Variants in SRGAP2 observed in about 807,000 individuals in gnomAD.
SRGAP2 encodes SLIT-ROBO Rho GTPase-activating protein 2.
SRGAP2 carries 15 observed loss-of-function variants against 57.2 expected under a neutral mutation model. The observed-to-expected ratio is 0.26, with a 90% CI of 0.18 to 0.40. The LOEUF (loss-of-function observed/expected upper bound fraction) is 0.40. SRGAP2 is among the 10% of genes least tolerant of loss of function. The pLI is 1.00. For missense variants in SRGAP2, 520 were observed against 669.6 expected (o/e 0.78, Z 2.47); for synonymous variants, 249 against 248.0 (o/e 1.00, Z -0.04).
intron 2 of SRGAP2, among the ~76,000 whole-genome samples, chr1:206,248,326 C>T (rs1668625544): frequency 6.6e-6 from 1 of 152,200 alleles, no homozygotes; most frequent in African/African-American, 2.4e-5. Context: ...TTGGTAACTT[C>T]ATCCGGCCTC....
intron 2 of SRGAP2, among the ~76,000 whole-genome samples, chr1:206,239,736 G>A (rs1300751559): frequency 6.6e-6 from 1 of 151,574 alleles, no homozygotes; most frequent in African/African-American, 2.4e-5. Flanking sequence ...GGGAATTACA[G>A]GCATAAGCCA....
chr1:206,248,217 G>A (rs1443876183), intron 2 of SRGAP2, among the ~76,000 whole-genome samples: 14 of 151,844 alleles, frequency 9.2e-5, no homozygotes, highest in Admixed American at 7.9e-4. Context: ...TACCTTTTCA[G>A]TTACCCTCAT....
At chr1:206,460,370 T>C (rs1234453830) in intron 22 of SRGAP2, among the ~76,000 whole-genome samples, 1 of 152,158 alleles carries the variant, frequency 6.6e-6, no homozygotes, top group African/African-American at 2.4e-5. Context: ...TTGCAGGCAA[T>C]TGATTCACCT....
chr1:206,287,233 A>G (rs1383512821), intron 2 of SRGAP2, among the ~76,000 whole-genome samples: 1 of 152,142 alleles, frequency 6.6e-6, no homozygotes, highest in Non-Finnish European at 1.5e-5. Flanking sequence ...GGGTGGGGTC[A>G]GGATGGGGTG....
At chr1:206,425,526 T>TTTTTG (rs35034576) in intron 13 of SRGAP2, among the ~76,000 whole-genome samples, 28 of 152,244 alleles carry the variant, frequency 1.8e-4, no homozygotes, top group African/African-American at 5.5e-4. Flanking sequence ...CCTCACTTTT[T>TTTTTG]TTTTGTTTTG....
chr1:206,441,750 T>A (rs558980152), intron 17 of SRGAP2, among the ~76,000 whole-genome samples: 23 of 152,328 alleles, frequency 1.5e-4, no homozygotes, highest in African/African-American at 5.5e-4. Context: ...CAGTCCCTGG[T>A]GGCAGCAATT....
intron 3 of SRGAP2, among the ~76,000 whole-genome samples, chr1:206,329,646 C>T (rs1402805422): frequency 7.4e-6 from 1 of 136,048 alleles, no homozygotes; most frequent in Admixed American, 7.6e-5. Flanking sequence ...GATTTTTGTA[C>T]ATTGATTTTG....
chr1:206,281,561 G>A (rs1331975846), intron 2 of SRGAP2, among the ~76,000 whole-genome samples: 2 of 123,288 alleles, frequency 1.6e-5, no homozygotes, highest in Non-Finnish European at 3.2e-5. Context: ...GACTGGGTGC[G>A]GTGGCTCATG....
intron 4 of SRGAP2, among the ~76,000 whole-genome samples, chr1:206,375,264 G>A (rs1189587143): frequency 2.0e-5 from 3 of 152,100 alleles, no homozygotes; most frequent in African/African-American, 7.2e-5. Context: ...GTTTGCTTTT[G>A]TGTCTTTTGT....
chr1:206,433,510 G>A (rs930101208), intron 14 of SRGAP2, among the ~76,000 whole-genome samples: 3 of 151,850 alleles, frequency 2.0e-5, no homozygotes, highest in African/African-American at 7.3e-5. Context: ...GTGTGGTGTT[G>A]GGCACCTGTA....
chr1:206,218,075 G>A (rs1226478965), intron 2 of SRGAP2, among the ~76,000 whole-genome samples: 15 of 151,936 alleles, frequency 9.9e-5, no homozygotes, highest in Admixed American at 4.6e-4. Flanking sequence ...TTGGGAGGCC[G>A]AGGCAGGCGG....
chr1:206,404,513 G>A (rs1658512671), intron 8 of SRGAP2, among the ~76,000 whole-genome samples: 1 of 149,968 alleles, frequency 6.7e-6, no homozygotes, highest in Admixed American at 6.6e-5. Flanking sequence ...TCATCCAGGG[G>A]ACTGTGGATG....
At chr1:206,230,631 T>TTG (rs1667573025) in intron 2 of SRGAP2, among the ~76,000 whole-genome samples, 1 of 145,326 alleles carries the variant, frequency 6.9e-6, no homozygotes, top group African/African-American at 2.5e-5. Context: ...GGAGCTGTAT[T>TTG]TTTTTTTTTT....
chr1:206,307,783 C>T (rs1672338851), intron 3 of SRGAP2, among the ~76,000 whole-genome samples: 1 of 152,156 alleles, frequency 6.6e-6, no homozygotes. Flanking sequence ...ACCCGGAACT[C>T]CAGCTGGCCC....
intron 17 of SRGAP2, 110 bp from the exon 18 acceptor site, chr1:206,445,965 G>A (rs1553373566): frequency 1.1e-5 from 7 of 664,758 alleles, no homozygotes; most frequent in South Asian, 8.5e-5. Context: ...AAAGGCAGGT[G>A]GCAATTTGTG....
chr1:206,355,384 A>C (rs1219459098), intron 4 of SRGAP2, among the ~76,000 whole-genome samples: 1 of 152,082 alleles, frequency 6.6e-6, no homozygotes, highest in Non-Finnish European at 1.5e-5. Context: ...TGATGTTAGT[A>C]CTTCATGTAG....
chr1:206,454,881 G>C lies in SRGAP2; in HGVS notation c.2364G>C (p.Glu788Asp). The change falls in exon 21 of 23, where the codon GAG (glutamate) becomes GAC (aspartate). Residue 788 changes from glutamate to aspartate, a missense_variant. Coordinates refer to ENST00000573034, the MANE Select transcript of SRGAP2 (RefSeq NM_015326.5). This position sits in a 1 kb window ranked among gnomAD's most constrained non-coding sequence, Gnocchi z 4.3. The stretch of plus-strand genomic sequence containing the variant: ...CTGCCTGCCCCTTCTCCCCCAGCGA[G>C]GACGGTGTCGTGGAGAGGTCCAGCC... ...PHQYIVVQDT[E>D]DGVVERSSPK... The C allele has an allele frequency of 1.3e-6, 1 of 765,660 alleles. No homozygotes were observed. Among genetic ancestry groups the C allele is most frequent in the Non-Finnish European group, 2.4e-6 (1 of 408,788 alleles). The allele number at this position is 765,660 out of a possible 1,614,324, so 47.4% of individuals were successfully genotyped here.
intron 13 of SRGAP2, among the ~76,000 whole-genome samples, chr1:206,427,419 T>TG (rs1206794395): frequency 6.6e-6 from 1 of 152,090 alleles, no homozygotes; most frequent in Non-Finnish European, 1.5e-5. Context: ...CAGATGGGTT[T>TG]GGGGGTCATG....
At chr1:206,378,366 G>C (rs1285725628) in intron 4 of SRGAP2, among the ~76,000 whole-genome samples, 1 of 152,116 alleles carries the variant, frequency 6.6e-6, no homozygotes, top group African/African-American at 2.4e-5. Flanking sequence ...TGTCGTCCCA[G>C]CTACATGGGA....
Sources: gnomAD v4.1 joint callset for allele counts (sites outside exome capture counted in the v4.1 genomes callset) on GRCh38, gnomAD v4.1.1 for gene constraint, Gnocchi (gnomAD v3.1) non-coding constraint, MANE v1.5 for transcripts, NCBI Gene and HGNC (gene_info 2026-07-23, HGNC 2026-07-21) for gene names.